Variants in GLI3 observed in about 807,000 individuals in gnomAD.
The protein encoded by GLI3 is GLI family zinc finger 3.
In GLI3, 20 loss-of-function variants were observed where a neutral mutation model predicts 100.8. The ratio of observed to expected loss-of-function variants is 0.20; its 90% CI spans 0.14 to 0.29. The LOEUF is 0.29. Ranked by LOEUF, GLI3 falls within the 10% of genes least tolerant of loss-of-function variation. The pLI, the probability that GLI3 is intolerant of heterozygous loss-of-function variation, is 1.00. For missense variants in GLI3, 2,040 were observed against 2,128.5 expected, an observed-to-expected ratio of 0.96 and a Z score of 0.82; for synonymous variants, 938 against 860.5, an observed-to-expected ratio of 1.09 and a Z score of -1.58.
intron 3 of GLI3, among the ~76,000 whole-genome samples, chr7:42,100,340 T>A (rs979438676): frequency 2.0e-5 from 3 of 152,202 alleles, no homozygotes; most frequent in Non-Finnish European, 4.4e-5. Flanking sequence ...ATCTGGTATA[T>A]GTAAATGTGA....
At chr7:42,132,700 T>C (rs1168967377) in intron 3 of GLI3, among the ~76,000 whole-genome samples, 1 of 152,224 alleles carries the variant, frequency 6.6e-6, no homozygotes, top group Non-Finnish European at 1.5e-5. Flanking sequence ...AACCTCTCAG[T>C]GGATTACAGG....
intron 2 of GLI3, among the ~76,000 whole-genome samples, chr7:42,205,281 AGTCTGGCAC>A (rs1788126789): frequency 6.6e-6 from 1 of 152,214 alleles, no homozygotes; most frequent in African/African-American, 2.4e-5. Context: ...CATTATCTTA[AGTCTGGCAC>A]CTGTAAGTCA....
At chr7:42,176,552 G>T (rs978462764) in intron 2 of GLI3, among the ~76,000 whole-genome samples, 1 of 152,210 alleles carries the variant, frequency 6.6e-6, no homozygotes, top group Non-Finnish European at 1.5e-5. Context: ...CAAATAGCGG[G>T]ATTGCCAACC....
chr7:42,228,818 A>G (rs551325147), intron 1 of GLI3, among the ~76,000 whole-genome samples: 1 of 152,336 alleles, frequency 6.6e-6, no homozygotes, highest in South Asian at 2.1e-4. Context: ...AGTGCTGTGA[A>G]TGGCTAAGAC....
chr7:42,208,857 G>C (rs1562786924), intron 2 of GLI3, among the ~76,000 whole-genome samples: 1 of 152,156 alleles, frequency 6.6e-6, no homozygotes, highest in Non-Finnish European at 1.5e-5. Flanking sequence ...AGGAAGATGA[G>C]TATAGGAAGC....
At chr7:42,203,596 A>G (rs1788088964) in intron 2 of GLI3, among the ~76,000 whole-genome samples, 1 of 152,200 alleles carries the variant, frequency 6.6e-6, no homozygotes, top group Admixed American at 6.5e-5. Flanking sequence ...GCCACTATGT[A>G]TATAACACAT....
chr7:42,143,273 T>C (rs1380120456), intron 3 of GLI3, among the ~76,000 whole-genome samples: 1 of 152,198 alleles, frequency 6.6e-6, no homozygotes, highest in Non-Finnish European at 1.5e-5. Flanking sequence ...CATTTCTGAT[T>C]GGCTCATCAA....
In GLI3 at chr7:42,256,036, A is replaced by G. The variant is rs1330230481; in HGVS notation, c.-43+7958T>C. ...GTAGCGGTATCCCATTGTGGCTTTA[A>G]CTTTTGTTTCCCTGTGAGTAATGAC... On this transcript the variant is annotated intron_variant, in intron 1 of 2. Transcript: ENST00000678978. Among the ~76,000 whole-genome samples the G allele has an allele frequency of 2.6e-5, 4 of 151,996 alleles. No homozygotes were observed. In the East Asian group the frequency reaches 7.7e-4, roughly 29 times the overall value.
chr7:41,994,311 C>G (rs1453487135), intron 10 of GLI3, among the ~76,000 whole-genome samples: 3 of 152,156 alleles, frequency 2.0e-5, no homozygotes, highest in Admixed American at 1.3e-4. Flanking sequence ...GAATAGAAAA[C>G]TAAAGGGCAT....
chr7:42,019,550 T>A (rs1788876654), intron 10 of GLI3, among the ~76,000 whole-genome samples: 1 of 151,868 alleles, frequency 6.6e-6, no homozygotes. Flanking sequence ...CCAAATAGCA[T>A]AAACAGAAAG....
chr7:42,189,639 C>A lies in GLI3; in HGVS notation c.124+33491G>T, dbSNP rs536709605. 6.4e-4 allele frequency among the ~76,000 whole-genome samples: 97 copies of A among 152,236 alleles called. 1 individual carries two copies. The highest frequency in any genetic ancestry group is 3.1e-3 in the Admixed American group (48 of 15,296). On this transcript the variant is annotated intron_variant, in intron 2 of 14. Transcript: ENST00000395925. The stretch of plus-strand genomic sequence containing the variant: ...GATTACTAAGAACACCCACTTTGTA[C>A]TCTGATGGCTTTGAAGAATAAAGGG...
intron 10 of GLI3, among the ~76,000 whole-genome samples, chr7:42,011,662 A>T (rs1247545172): frequency 6.6e-6 from 1 of 152,220 alleles, no homozygotes; most frequent in Non-Finnish European, 1.5e-5. Context: ...CATCGTACAA[A>T]AGGTCACATT....
At chr7:42,263,093 G>A (rs545323963) in intron 1 of GLI3, among the ~76,000 whole-genome samples, 2 of 152,324 alleles carry the variant, frequency 1.3e-5, no homozygotes, top group African/African-American at 2.4e-5. Flanking sequence ...CCATCGCCAT[G>A]GTGACCCACG....
At chr7:42,205,625 T>C (rs1250018193) in intron 2 of GLI3, among the ~76,000 whole-genome samples, 1 of 152,174 alleles carries the variant, frequency 6.6e-6, no homozygotes, top group African/African-American at 2.4e-5. Flanking sequence ...AGAGTACTCA[T>C]CAACGTACCT....
At chr7:42,260,167 G>A (rs1449737866) in intron 1 of GLI3, among the ~76,000 whole-genome samples, 3 of 152,198 alleles carry the variant, frequency 2.0e-5, no homozygotes, top group Non-Finnish European at 4.4e-5. Context: ...CATCTCTAGA[G>A]CATATGATAA....
At chr7:42,172,216 A>T (rs1316286806) in intron 2 of GLI3, among the ~76,000 whole-genome samples, 2 of 152,048 alleles carry the variant, frequency 1.3e-5, no homozygotes, top group East Asian at 3.9e-4. Flanking sequence ...TTAAAAAAAA[A>T]TCTTGAAGTT....
chr7:42,158,286 A>G (rs1787050489), intron 2 of GLI3, among the ~76,000 whole-genome samples: 1 of 152,238 alleles, frequency 6.6e-6, no homozygotes, highest in Non-Finnish European at 1.5e-5. Flanking sequence ...AGGATGCAGT[A>G]TCATCAACCA....
intron 1 of GLI3, 83 bp from the exon 2 acceptor site, chr7:42,223,378 C>T (rs1788526120): frequency 2.6e-6 from 2 of 766,040 alleles, no homozygotes; most frequent in Non-Finnish European, 4.3e-6. Flanking sequence ...CACCTGTCAT[C>T]TGAGAAAAGC....
chr7:42,170,816 AT>A (rs1391104277), intron 2 of GLI3, among the ~76,000 whole-genome samples: 1 of 152,058 alleles, frequency 6.6e-6, no homozygotes, highest in African/African-American at 2.4e-5. Flanking sequence ...CTTGAGAATT[AT>A]TTTTTTCTTT....
Sources: allele counts gnomAD v4.1 joint callset (sites outside exome capture counted in the v4.1 genomes callset), GRCh38; gene constraint gnomAD v4.1.1; transcripts MANE v1.5; gene names NCBI Gene and HGNC (gene_info 2026-07-23, HGNC 2026-07-21).